HRH4: variants seen among roughly 807,000 people sequenced by gnomAD.
HRH4 encodes histamine receptor H4, also known as histamine H4 receptor.
In HRH4, 12 loss-of-function variants were observed where a neutral mutation model predicts 10.4. That is an observed-to-expected ratio of 1.15 (90% CI 0.74 to 1.87). HRH4 has a LOEUF of 1.87. Ranked by LOEUF, HRH4 falls within the 40% of genes most tolerant of loss-of-function variation. The probability of loss-of-function intolerance (pLI) is 0.00; values close to 1 mark genes in which losing one functional copy is unlikely to be tolerated. For synonymous variants in HRH4, 154 were observed against 166.6 expected (o/e 0.92, Z 0.58); for missense variants, 415 against 453.3 (o/e 0.92, Z 0.77).
At chr18:24,471,346 T>C (rs1271770542) in intron 2 of HRH4, among the ~76,000 whole-genome samples, 1 of 151,892 alleles carries the variant, frequency 6.6e-6, no homozygotes, top group African/African-American at 2.4e-5. Context: ...GGCTCACGCT[T>C]GTAATCCCAG....
At chr18:24,466,632 G>C (rs766590647) in intron 1 of HRH4, among the ~76,000 whole-genome samples, 1 of 152,126 alleles carries the variant, frequency 6.6e-6, no homozygotes, top group East Asian at 1.9e-4. Context: ...ACCTTCCACT[G>C]GTTCTGAAAC....
At chr18:24,468,673 A>T in intron 1 of HRH4, 115 bp from the exon 2 acceptor site, 1 of 976,170 alleles carries the variant, frequency 1.0e-6, no homozygotes, top group South Asian at 1.8e-5. Flanking sequence ...TAAATTAGAG[A>T]CAAATCATTT....
Position 24,477,549 on chromosome 18 carries a change from C to A in HRH4, c.1160C>A (p.Ser387Ter). 1 of 1,565,640 alleles carries A rather than the reference C, an allele frequency of 6.4e-7. No homozygotes were observed. Among genetic ancestry groups the A allele is most frequent in the South Asian group, 1.2e-5 (1 of 84,336 alleles). The part of the protein sequence containing the change: ...KQPLPSQHSR[S>*]VSS Reference sequence around the variant, plus strand: ...CCTCTACCATCACAACACAGTCGGTCAGTATCTTCTTAAAGACAATTTTCT... The same window carrying A: ...CCTCTACCATCACAACACAGTCGGTAAGTATCTTCTTAAAGACAATTTTCT... Residue 387 changes from serine to a stop codon, truncating the protein, a stop_gained, in exon 3 of 3, where the codon TCA (serine) becomes TAA (stop). Coordinates refer to ENST00000256906, the MANE Select transcript of HRH4 (RefSeq NM_021624.4). LOFTEE classifies it high-confidence loss of function.
At chr18:24,475,058 A>G (rs1910099594) in intron 2 of HRH4, among the ~76,000 whole-genome samples, 1 of 152,280 alleles carries the variant, frequency 6.6e-6, no homozygotes, top group Admixed American at 6.5e-5. Context: ...CTTATACCTC[A>G]TAGAGTGATT....
intron 2 of HRH4, among the ~76,000 whole-genome samples, chr18:24,471,305 A>T (rs1162113811): frequency 2.0e-5 from 3 of 151,738 alleles, no homozygotes; most frequent in African/African-American, 7.3e-5. Flanking sequence ...AAAAATATGG[A>T]ATGAAACAGA....
Position 24,477,524 on chromosome 18 carries a change from C to T in HRH4, c.1135C>T (p.Pro379Ser), listed in dbSNP as rs1302177940. Residue 379 changes from proline to serine, a missense_variant, in exon 3 of 3, where the codon CCT becomes TCT. By Grantham distance (74) the Pro-to-Ser change is moderately conservative. Transcript: ENST00000256906. ...GAAAATATTTTGTATAAAAAAGCAA[C>T]CTCTACCATCACAACACAGTCGGTC... ...FLKIFCIKKQ[P>S]LPSQHSRSVS... 6.2e-7 allele frequency: 1 copy of T among 1,601,966 alleles called. No homozygotes were observed. Among genetic ancestry groups the T allele is most frequent in the Non-Finnish European group, 8.5e-7 (1 of 1,174,094 alleles).
chr18:24,469,047 T>C, intron 2 of HRH4, 96 bp downstream of exon 2: 2 of 929,910 alleles, frequency 2.2e-6, no homozygotes, highest in South Asian at 3.7e-5. Flanking sequence ...ATTGTTAATT[T>C]AATCGACAGG....
chr18:24,468,350 A>G (rs1050786054), intron 1 of HRH4, among the ~76,000 whole-genome samples: 1 of 152,214 alleles, frequency 6.6e-6, no homozygotes, highest in African/African-American at 2.4e-5. Context: ...CCCCTCCCGT[A>G]TACTTTAAAT....
At chr18:24,469,091 A>G (rs1295875116) in intron 2 of HRH4, 140 bp downstream of exon 2, 2 of 625,578 alleles carry the variant, frequency 3.2e-6, no homozygotes, top group Non-Finnish European at 5.3e-6. Flanking sequence ...GTTGTCTGGC[A>G]TAAAGTTCTT....
At position 24,468,520 on chromosome 18, in the gene HRH4, GT is replaced by G. The variant is rs879237574; in HGVS notation, c.194-267del. 2.0e-5 allele frequency among the ~76,000 whole-genome samples: 3 copies of G among 152,136 alleles called. No individual in the cohort carries two copies. In the South Asian group the frequency reaches 6.2e-4, roughly 31 times the overall value. On this transcript the variant is annotated intron_variant, in intron 1 of 2. Transcript: ENST00000256906. The stretch of plus-strand genomic sequence containing the variant: ...GTTTTTTTCCAAATATTTTCTATCT[GT>G]GGTTGGTTGAATCCACAGATGTAGA...
chr18:24,476,792 C>A lies in HRH4; in HGVS notation c.403C>A (p.Leu135Met). 6.2e-7 allele frequency: 1 copy of A among 1,614,162 alleles called. No individual in the cohort carries two copies. The highest frequency in any genetic ancestry group is 8.5e-7 in the Non-Finnish European group (1 of 1,180,024). ...QHTGVLKIVT[L>M]MVAVWVLAFL... ...TACTGGGGTCTTGAAGATTGTTACT[C>A]TGATGGTGGCCGTTTGGGTGCTGGC... The change falls in exon 3 of 3, where the codon CTG becomes ATG. Residue 135 changes from leucine (L) to methionine (M), a missense_variant. Coordinates refer to ENST00000256906, the MANE Select transcript of HRH4 (RefSeq NM_021624.4).
chr18:24,470,501 A>ATTTT (rs200257355), intron 2 of HRH4, among the ~76,000 whole-genome samples: 2 of 129,876 alleles, frequency 1.5e-5, no homozygotes, highest in African/African-American at 6.0e-5. Flanking sequence ...TTGTTTCTCT[A>ATTTT]TTTTTTTTTT....
chr18:24,468,697 A>G lies in HRH4; in HGVS notation c.194-91A>G, dbSNP rs966535386. On this transcript the variant is annotated intron_variant, in intron 1 of 2. Coordinates refer to ENST00000256906, the MANE Select transcript of HRH4 (RefSeq NM_021624.4). ...GACAAATCATTTGTAGTGAATTCAG[A>G]TAGGTCATTGTGTTGTGTAGCCATT... 30 of 1,122,714 alleles carry G rather than the reference A, an allele frequency of 2.7e-5. No individual in the cohort carries two copies. In the African/African-American group the frequency reaches 4.3e-4, roughly 16 times the overall value. The allele number at this position is 1,122,714 out of a possible 1,614,324, so 69.5% of individuals were successfully genotyped here.
chr18:24,463,990 G>C (rs973350174), intron 1 of HRH4, among the ~76,000 whole-genome samples: 1 of 152,136 alleles, frequency 6.6e-6, no homozygotes, highest in African/African-American at 2.4e-5. Flanking sequence ...ATGACCATGT[G>C]ACAGATGGCT....
intron 1 of HRH4, among the ~76,000 whole-genome samples, chr18:24,468,228 G>T (rs1378370780): frequency 1.3e-5 from 2 of 152,032 alleles, no homozygotes. Context: ...TAATAATAAA[G>T]ATGGGGTTTC....
rs763500270 is a variant in HRH4, at chr18:24,476,872, T to C, written c.483T>C (p.Gly161=). ...ILVSESWKDE[G]SECEPGFFSE... ...TTTCAGAGTCTTGGAAGGATGAAGGTAGTGAATGTGAACCTGGATTTTTTT... is the reference window on the plus strand; with the variant it reads ...TTTCAGAGTCTTGGAAGGATGAAGGCAGTGAATGTGAACCTGGATTTTTTT... Residue 161 remains glycine (G), a synonymous_variant, in exon 3 of 3, where the codon GGT becomes GGC. Coordinates refer to ENST00000256906, the MANE Select transcript of HRH4 (RefSeq NM_021624.4). 3 of 1,614,208 alleles carry C rather than the reference T, an allele frequency of 1.9e-6. No homozygotes were observed. In the South Asian group the frequency reaches 3.3e-5, roughly 18 times the overall value.
At chr18:24,469,407 G>C (rs2144373361) in intron 2 of HRH4, among the ~76,000 whole-genome samples, 1 of 152,286 alleles carries the variant, frequency 6.6e-6, no homozygotes, top group East Asian at 1.9e-4. Context: ...GGAAGCTACA[G>C]TTTACACAGT....
rs577174518 is a variant in HRH4 at position 24,478,808 on chromosome 18, G to A, written c.*1246G>A. On this transcript the variant is annotated 3_prime_UTR_variant, in exon 3 of 3. Coordinates refer to ENST00000256906, the MANE Select transcript of HRH4 (RefSeq NM_021624.4). Reference sequence around the variant, plus strand: ...CTGCCTTGGCCTCCCAAGTATGTAGGACTACAGGTACTCGCCACCACACCT... The same window carrying A: ...CTGCCTTGGCCTCCCAAGTATGTAGAACTACAGGTACTCGCCACCACACCT... The A allele has an allele frequency of 1.3e-5, 2 of 152,274 alleles. No individual in the cohort carries two copies. Among genetic ancestry groups the A allele is most frequent in the African/African-American group, 2.4e-5 (1 of 41,524 alleles). The allele number at this position is 152,274 out of a possible 1,614,324, so 9.4% of individuals were successfully genotyped here.
intron 1 of HRH4, among the ~76,000 whole-genome samples, chr18:24,462,784 A>C: frequency 6.6e-6 from 1 of 152,292 alleles, no homozygotes; most frequent in East Asian, 1.9e-4. Flanking sequence ...TGTTTCCTCA[A>C]TTCTGTCCCT....
Sources: allele counts gnomAD v4.1 joint callset (sites outside exome capture counted in the v4.1 genomes callset), GRCh38; gene constraint gnomAD v4.1.1; transcripts MANE v1.5; gene names NCBI Gene and HGNC (gene_info 2026-07-23, HGNC 2026-07-21).